The following SEC14L1 variants were observed in gnomAD, a reference collection of about 807,000 sequenced individuals.
SEC14L1 encodes the protein SEC14 like lipid binding 1.
Under a neutral mutation model 85.3 loss-of-function variants are expected in SEC14L1, and 48 were observed. The observed-to-expected ratio is 0.56, with a 90% CI of 0.45 to 0.72. SEC14L1 has a LOEUF of 0.72. Ranked by LOEUF, SEC14L1 falls within the 30% of genes least tolerant of loss-of-function variation. SEC14L1 has a pLI of 0.00. For missense variants in SEC14L1, 682 were observed against 921.4 expected, an observed-to-expected ratio of 0.74 and a Z score of 3.36; for synonymous variants, 391 against 355.5, an observed-to-expected ratio of 1.10 and a Z score of -1.12.
intron 10 of SEC14L1, among the ~76,000 whole-genome samples, chr17:77,203,874 T>G (rs1240292577): frequency 1.3e-5 from 2 of 151,576 alleles, no homozygotes. Context: ...GCAGTCAGGG[T>G]CTCCCCCGAG....
intron 3 of SEC14L1, among the ~76,000 whole-genome samples, chr17:77,133,910 G>C (rs890122221): frequency 1.5e-5 from 2 of 135,230 alleles, no homozygotes; most frequent in African/African-American, 5.5e-5. Flanking sequence ...CTGTACTCCA[G>C]CCTGGGCAAC....
chr17:77,173,783 G>A (rs914515369), intron 3 of SEC14L1, among the ~76,000 whole-genome samples: 2 of 152,186 alleles, frequency 1.3e-5, no homozygotes, highest in African/African-American at 4.8e-5. Context: ...GAGACCTAAG[G>A]GGCTGTCCCG....
chr17:77,195,350 G>A (rs1402487108), intron 7 of SEC14L1, among the ~76,000 whole-genome samples: 1 of 149,572 alleles, frequency 6.7e-6, no homozygotes, highest in African/African-American at 2.5e-5. Context: ...ATAGAGTATT[G>A]CTCTGTTGCC....
chr17:77,116,607 G>A (rs1046743888), intron 3 of SEC14L1, among the ~76,000 whole-genome samples: 1 of 152,154 alleles, frequency 6.6e-6, no homozygotes, highest in African/African-American at 2.4e-5. Flanking sequence ...GGCTCTTGGG[G>A]CAGAGTAAAA....
chr17:77,129,327 A>G (rs936300810), intron 3 of SEC14L1, among the ~76,000 whole-genome samples: 2 of 152,150 alleles, frequency 1.3e-5, no homozygotes, highest in African/African-American at 2.4e-5. Flanking sequence ...GGAAAACCCT[A>G]AAAGCTGCTT....
chr17:77,104,261 T>C lies in SEC14L1; in HGVS notation c.-136+10914T>C, dbSNP rs572187712. 2.6e-3 allele frequency among the ~76,000 whole-genome samples: 385 copies of C among 150,430 alleles called. 2 individuals carry two copies. The highest frequency in any genetic ancestry group is 8.8e-3 in the African/African-American group (362 of 41,096). ...CAGTCAGCCTCCTGAGTAGCTGGGA[T>C]TACAGGTGCCTGCCACCACGCCCAG... On this transcript the variant is annotated intron_variant, in intron 3 of 19. Coordinates refer to the SEC14L1 transcript ENST00000392476.
rs539549341 is a variant in SEC14L1, at chr17:77,176,191, G to A, written c.64-14612G>A. ...TGTAATCCCAGCTACTCAGGAGGCT[G>A]AGGCAGGAGAATCACTCAAACCCAG... On this transcript the variant is annotated intron_variant, in intron 3 of 16. Transcript: ENST00000436233. 4.6e-5 allele frequency among the ~76,000 whole-genome samples: 7 copies of A among 152,190 alleles called. No individual in the cohort carries two copies. In the South Asian group the frequency reaches 1.5e-3, roughly 32 times the overall value.
chr17:77,136,994 C>T (rs970549836), upstream of SEC14L1, among the ~76,000 whole-genome samples: 1 of 151,656 alleles, frequency 6.6e-6, no homozygotes, highest in African/African-American at 2.4e-5. Context: ...ACCGCAACCT[C>T]TGCCTCCCAG....
intron 3 of SEC14L1, among the ~76,000 whole-genome samples, chr17:77,124,420 C>T (rs1463762321): frequency 1.3e-5 from 2 of 152,136 alleles, no homozygotes; most frequent in African/African-American, 2.4e-5. Context: ...ATATTGTTCT[C>T]TGGGAACGTC....
chr17:77,209,256 AG>A, intron 13 of SEC14L1, 85 bp from the exon 14 acceptor site: 2 of 1,512,328 alleles, frequency 1.3e-6, no homozygotes, highest in Non-Finnish European at 1.8e-6. Flanking sequence ...AGTTGAGTGC[AG>A]GGGGATAGTG....
intron 3 of SEC14L1, among the ~76,000 whole-genome samples, chr17:77,107,149 C>CCGTGGA (rs1405109031): frequency 6.6e-6 from 1 of 152,316 alleles, no homozygotes; most frequent in African/African-American, 2.4e-5. Flanking sequence ...CAGCCAACCA[C>CCGTGGA]CGTGGACCCA....
At chr17:77,118,838 G>A (rs1325861288) in intron 3 of SEC14L1, among the ~76,000 whole-genome samples, 1 of 152,204 alleles carries the variant, frequency 6.6e-6, no homozygotes, top group African/African-American at 2.4e-5. Flanking sequence ...GACTGGCAAA[G>A]TGATCCCAAG....
chr17:77,199,790 G>A (rs1976030944), intron 8 of SEC14L1, among the ~76,000 whole-genome samples: 1 of 152,204 alleles, frequency 6.6e-6, no homozygotes, highest in South Asian at 2.1e-4. Context: ...TGATAATGCT[G>A]ATTTTCTCTA....
Position 77,196,221 on chromosome 17 carries a change from C to T in SEC14L1, c.729C>T (p.Tyr243=), listed in dbSNP as rs987320119. The T allele has an allele frequency of 6.2e-6, 10 of 1,613,814 alleles. No individual in the cohort carries two copies. In the Admixed American group the frequency reaches 1.2e-4, roughly 19 times the overall value. ...TTCCAGACAAACTAGATGCCGACTA[C>T]ATCAAGAGATACCTGGGCGATTTGA... is the stretch of plus-strand genomic sequence containing the variant. The part of the protein sequence containing the change: ...GTPDDKLDAD[Y]IKRYLGDLTP... The change falls in exon 8 of 17, where the codon TAC becomes TAT. Residue 243 remains tyrosine, a synonymous_variant. Coordinates refer to ENST00000436233, the MANE Select transcript of SEC14L1 (RefSeq NM_001143998.2).
At chr17:77,143,430 C>T (rs1973144729) in intron 2 of SEC14L1, 137 bp from the exon 3 acceptor site, 1 of 555,186 alleles carries the variant, frequency 1.8e-6, no homozygotes, top group Non-Finnish European at 3.2e-6. Flanking sequence ...ATCATCTTTT[C>T]ATTTTTGTGT....
intron 2 of SEC14L1, chr17:77,089,480 T>C (rs746616414): frequency 2.1e-5 from 11 of 518,062 alleles, no homozygotes; most frequent in Non-Finnish European, 3.9e-5. Context: ...TCATGTATGA[T>C]ACTGCAAACA....
At chr17:77,168,057 T>C (rs1974362608) in intron 3 of SEC14L1, among the ~76,000 whole-genome samples, 1 of 152,148 alleles carries the variant, frequency 6.6e-6, no homozygotes, top group Admixed American at 6.5e-5. Context: ...TGGCTAAGAC[T>C]TAAACTTTTT....
intron 3 of SEC14L1, among the ~76,000 whole-genome samples, chr17:77,114,651 A>C (rs1972126455): frequency 6.7e-6 from 1 of 150,046 alleles, no homozygotes; most frequent in Non-Finnish European, 1.5e-5. Context: ...CCTGGCCAAC[A>C]TGGTGAAACC....
At chr17:77,133,427 A>G (rs940838239) in intron 3 of SEC14L1, among the ~76,000 whole-genome samples, 3 of 152,166 alleles carry the variant, frequency 2.0e-5, no homozygotes, top group Non-Finnish European at 4.4e-5. Flanking sequence ...CTGCGTCCTG[A>G]GGTCAGCTCG....
Sources: allele counts gnomAD v4.1 joint callset (sites outside exome capture counted in the v4.1 genomes callset), GRCh38; gene constraint gnomAD v4.1.1; transcripts MANE v1.5; gene names NCBI Gene and HGNC (gene_info 2026-07-23, HGNC 2026-07-21).